The following MYO1H variants were observed in gnomAD, a reference collection of about 807,000 sequenced individuals.
MYO1H encodes the protein unconventional myosin-Ih.
A neutral mutation model predicts 149.3 loss-of-function variants in MYO1H; 118 were observed. The ratio of observed to expected loss-of-function variants is 0.79; its 90% CI spans 0.68 to 0.92. The LOEUF (loss-of-function observed/expected upper bound fraction) is 0.92. Ranked by LOEUF, MYO1H falls within the 40% of genes least tolerant of loss-of-function variation. The pLI is 0.00. For missense variants in MYO1H, 1,212 were observed against 1,280.7 expected (o/e 0.95, Z 0.82); for synonymous variants, 447 against 465.2 (o/e 0.96, Z 0.50).
chr12:109,407,261 A>G (rs1267429738), intron 9 of MYO1H, among the ~76,000 whole-genome samples: 1 of 152,018 alleles, frequency 6.6e-6, no homozygotes, highest in Non-Finnish European at 1.5e-5. Context: ...CCCTTTCAAC[A>G]TGACTGTGAT....
intron 16 of MYO1H, among the ~76,000 whole-genome samples, chr12:109,422,075 T>C (rs1370920395): frequency 6.6e-6 from 1 of 152,080 alleles, no homozygotes; most frequent in African/African-American, 2.4e-5. Context: ...CCCACCTCAC[T>C]CTCCCAAAGC....
In MYO1H at chr12:109,426,138, C is replaced by T. The variant is rs911937448; in HGVS notation, c.1831+87C>T. 2.1e-5 allele frequency: 18 copies of T among 856,450 alleles called. No homozygotes were observed. In the African/African-American group the frequency reaches 2.7e-4, roughly 13 times the overall value. 53.1% of individuals were successfully genotyped at this position (856,450 alleles called of 1,614,324 possible). On this transcript the variant is annotated intron_variant, in intron 18 of 31. Transcript: ENST00000310903. The stretch of plus-strand genomic sequence containing the variant: ...GGCAGTGGGTTGGGATCCTAAACAC[C>T]ACCACAAGCTTGCTCGATGTCCTCT...
Position 109,394,142 on chromosome 12 carries a change from T to G in MYO1H, c.290+696T>G, listed in dbSNP as rs577521252. ...TGAAAATACATACTCGCCTGCAGTATGGCCAGAATTTGTTTTTATGTAATA... is the reference window on the plus strand; with the variant it reads ...TGAAAATACATACTCGCCTGCAGTAGGGCCAGAATTTGTTTTTATGTAATA... On this transcript the variant is annotated intron_variant, in intron 3 of 31. Coordinates refer to ENST00000310903, the Ensembl canonical transcript of MYO1H. 1.1e-4 allele frequency among the ~76,000 whole-genome samples: 16 copies of G among 152,346 alleles called. No individual in the cohort carries two copies. In the East Asian group the frequency reaches 2.9e-3, roughly 27 times the overall value.
chr12:109,427,899 AAAAAAAAAAAAT>A (rs1305115781), intron 19 of MYO1H, among the ~76,000 whole-genome samples: 9 of 51,420 alleles, frequency 1.8e-4, no homozygotes, highest in Middle Eastern at 0.015. Flanking sequence ...AAAAAAAAAA[AAAAAAAAAAAAT>A]ATATATATAT....
intron 15 of MYO1H, among the ~76,000 whole-genome samples, chr12:109,419,879 A>G (rs1871099498): frequency 6.6e-6 from 1 of 152,046 alleles, no homozygotes; most frequent in Non-Finnish European, 1.5e-5. Context: ...AACTTAAAAA[A>G]AAAAAAAAAA....
chr12:109,388,826 C>G, exon 2 of MYO1H: 1 of 1,612,198 alleles, frequency 6.2e-7, no homozygotes, highest in Non-Finnish European at 8.5e-7. Flanking sequence ...GCAAGCGTTT[C>G]AGCGAGAACC....
chr12:109,379,232 C>T (rs1394080577), intron 1 of MYO1H, among the ~76,000 whole-genome samples: 1 of 152,232 alleles, frequency 6.6e-6, no homozygotes, highest in Non-Finnish European at 1.5e-5. Context: ...TATTTGACAG[C>T]ACTGACTTAG....
rs11066396 is a variant in MYO1H at position 109,362,801 on chromosome 12, C to T, written c.12+14829C>T. ...ACCTACTTTTTAAGGCAAAGTCACC[C>T]AGTTTCTATGGCCTGCTTTGGCTCC... On this transcript the variant is annotated intron_variant, in intron 1 of 31. Coordinates refer to ENST00000310903, the Ensembl canonical transcript of MYO1H. Among the ~76,000 whole-genome samples the T allele has an allele frequency of 6.3e-3, 961 of 152,310 alleles. 13 individuals are homozygous for T. Among genetic ancestry groups the T allele is most frequent in the African/African-American group, 0.022 (919 of 41,562 alleles).
chr12:109,349,486 G>A (rs1868406522), intron 1 of MYO1H, among the ~76,000 whole-genome samples: 1 of 107,820 alleles, frequency 9.3e-6, no homozygotes, highest in Non-Finnish European at 1.9e-5. Context: ...AACATAGTGT[G>A]ACCCCCCCAC....
chr12:109,325,280 C>G, the MYO1H span, among the ~76,000 whole-genome samples: 2 of 152,228 alleles, frequency 1.3e-5, no homozygotes, highest in Admixed American at 6.5e-5. Context: ...GTTCTAGATC[C>G]TTGAGGAATT....
At chr12:109,401,833 G>A (rs1870182280) in intron 6 of MYO1H, among the ~76,000 whole-genome samples, 2 of 151,602 alleles carry the variant, frequency 1.3e-5, no homozygotes, top group Non-Finnish European at 2.9e-5. Context: ...TTGACCTCCT[G>A]GGCTCAAGTG....
exon 29 of MYO1H, chr12:109,444,238 T>C (rs1004678975): frequency 4.3e-6 from 7 of 1,613,824 alleles, no homozygotes; most frequent in Admixed American, 1.7e-5. Context: ...ATCTGAGTGA[T>C]GGAATCTTAG....
the MYO1H span, among the ~76,000 whole-genome samples, chr12:109,335,162 G>C: frequency 5.4e-4 from 82 of 152,202 alleles, 1 homozygote; most frequent in East Asian, 0.013. Flanking sequence ...CCATTTGTCA[G>C]TTGATGAAAA....
chr12:109,314,077 G>C, the MYO1H span, among the ~76,000 whole-genome samples: 1 of 151,878 alleles, frequency 6.6e-6, no homozygotes, highest in Non-Finnish European at 1.5e-5. Flanking sequence ...TAGACACGGG[G>C]TTTTACCATA....
intron 1 of MYO1H, among the ~76,000 whole-genome samples, chr12:109,379,374 T>C (rs1869152725): frequency 1.3e-5 from 2 of 152,232 alleles, no homozygotes; most frequent in Admixed American, 6.5e-5. Context: ...CTCCAGTTGT[T>C]GGGTGCAACG....
chr12:109,414,476 C>CAAAAAA (rs1158287635), intron 14 of MYO1H, among the ~76,000 whole-genome samples: 8 of 57,378 alleles, frequency 1.4e-4, no homozygotes, highest in Non-Finnish European at 1.8e-4. Flanking sequence ...GACTCCATCT[C>CAAAAAA]AAAAAAAAAA....
intron 25 of MYO1H, among the ~76,000 whole-genome samples, chr12:109,441,293 A>G (rs1455968760): frequency 1.3e-5 from 2 of 152,244 alleles, no homozygotes; most frequent in African/African-American, 4.8e-5. Context: ...GTTACTTACA[A>G]AAAGGGACAG....
At chr12:109,368,240 C>T (rs547112579) in intron 1 of MYO1H, among the ~76,000 whole-genome samples, 2 of 152,314 alleles carry the variant, frequency 1.3e-5, no homozygotes, top group South Asian at 4.1e-4. Context: ...ATCTTTCTGG[C>T]TTGTTCACTG....
chr12:109,341,189 GAA>G, the MYO1H span, among the ~76,000 whole-genome samples: 3 of 96,100 alleles, frequency 3.1e-5, no homozygotes, highest in East Asian at 3.7e-4. Flanking sequence ...ACTCCATCTC[GAA>G]AAAAAAAAAA....
Sources: allele counts gnomAD v4.1 joint callset (sites outside exome capture counted in the v4.1 genomes callset), GRCh38; gene constraint gnomAD v4.1.1; transcripts MANE v1.5; gene names NCBI Gene and HGNC (gene_info 2026-07-23, HGNC 2026-07-21).